The following TENM2 variants were observed in gnomAD, a reference collection of about 807,000 sequenced individuals.
TENM2 encodes the protein teneurin-2.
In TENM2, 52 loss-of-function variants were observed where a neutral mutation model predicts 245.2. The ratio of observed to expected loss-of-function variants is 0.21; its 90% CI spans 0.17 to 0.27. TENM2 has a LOEUF of 0.27. Ranked by LOEUF, TENM2 falls within the 10% of genes least tolerant of loss-of-function variation. The pLI is 1.00. For synonymous variants in TENM2, 1,363 were observed against 1,438.9 expected (o/e 0.95, Z 1.19); for missense variants, 3,046 against 3,666.8 (o/e 0.83, Z 4.37).
intron 2 of TENM2, among the ~76,000 whole-genome samples, chr5:167,766,925 A>T (rs1036235788): frequency 6.6e-6 from 1 of 152,058 alleles, no homozygotes; most frequent in South Asian, 2.1e-4. Context: ...AAACAAAAAA[A>T]CTAGAACCCT....
the TENM2 span, among the ~76,000 whole-genome samples, chr5:167,046,705 T>A: frequency 6.8e-6 from 1 of 146,994 alleles, no homozygotes. Flanking sequence ...TTATTTATTA[T>A]ACTTTAAGTT....
intron 2 of TENM2, among the ~76,000 whole-genome samples, chr5:167,467,347 C>G (rs1766729772): frequency 6.6e-6 from 1 of 152,054 alleles, no homozygotes; most frequent in African/African-American, 2.4e-5. Context: ...TGAGGCCTCC[C>G]CAGTCGTGTG....
intron 1 of TENM2, among the ~76,000 whole-genome samples, chr5:167,334,679 C>T (rs919956744): frequency 6.6e-6 from 1 of 152,156 alleles, no homozygotes; most frequent in Admixed American, 6.5e-5. Context: ...TGCTACGACA[C>T]ATTATATTTT....
At chr5:168,148,587 G>A (rs62383432) in intron 12 of TENM2, among the ~76,000 whole-genome samples, 18,503 of 152,214 alleles carry the variant, frequency 0.12, 1,530 homozygotes, top group South Asian at 0.22. Context: ...CCTGGGCCAC[G>A]TGGATGGGAT....
At chr5:167,433,927 A>G (rs1764389128) in intron 2 of TENM2, among the ~76,000 whole-genome samples, 1 of 152,140 alleles carries the variant, frequency 6.6e-6, no homozygotes, top group Non-Finnish European at 1.5e-5. Context: ...TTTTAATAAA[A>G]CGGTATAGAT....
At chr5:167,801,110 ATATATATATAT>A (rs1301781227) in intron 2 of TENM2, among the ~76,000 whole-genome samples, 1,437 of 62,492 alleles carry the variant, frequency 0.023, 54 homozygotes, top group Admixed American at 0.041. Context: ...AAAAAAAAAA[ATATATATATAT>A]ATATATATAT....
At chr5:167,971,000 C>T (rs1239558467) in intron 4 of TENM2, among the ~76,000 whole-genome samples, 2 of 152,050 alleles carry the variant, frequency 1.3e-5, no homozygotes, top group Non-Finnish European at 2.9e-5. Context: ...CTACTATTTG[C>T]TTTGTCTTTG....
At chr5:167,217,254 TC>T in the TENM2 span, among the ~76,000 whole-genome samples, 1 of 152,112 alleles carries the variant, frequency 6.6e-6, no homozygotes, top group Non-Finnish European at 1.5e-5. Context: ...AGTCACAAGT[TC>T]CAGCAGAATC....
chr5:167,692,504 C>T (rs1757497486), intron 2 of TENM2, among the ~76,000 whole-genome samples: 3 of 152,154 alleles, frequency 2.0e-5, no homozygotes, highest in Admixed American at 6.5e-5. Flanking sequence ...GGGAATTACT[C>T]CCACAGGAAA....
intron 5 of TENM2, among the ~76,000 whole-genome samples, chr5:168,047,150 G>A (rs576446826): frequency 9.9e-5 from 15 of 152,236 alleles, no homozygotes; most frequent in Middle Eastern, 3.4e-3. Context: ...TGGTGGCACC[G>A]TTTGGAAGAT....
chr5:168,215,993 A>G (rs1348487787), intron 21 of TENM2, among the ~76,000 whole-genome samples: 1 of 152,252 alleles, frequency 6.6e-6, no homozygotes, highest in African/African-American at 2.4e-5. Context: ...CCAGGGGTCC[A>G]GGATGGAGGA....
chr5:167,151,282 A>T, the TENM2 span, among the ~76,000 whole-genome samples: 1 of 152,152 alleles, frequency 6.6e-6, no homozygotes, highest in African/African-American at 2.4e-5. Context: ...AGTTTTATGA[A>T]CATGCCAACA....
At position 167,855,665 on chromosome 5, in the gene TENM2, G is replaced by GAC. The variant is rs1415345507; in HGVS notation, c.503-20320_503-20319insCA. Among the ~76,000 whole-genome samples the GAC allele has an allele frequency of 1.0e-4, 8 of 80,274 alleles. No homozygotes were observed. The East Asian group carries it at 2.7e-3, about 27-fold the overall frequency. The allele number at this position is 80,274 out of a possible 152,430, so 52.7% of individuals were successfully genotyped here. On this transcript the variant is annotated intron_variant, in intron 2 of 28. Coordinates refer to ENST00000518659, the Ensembl canonical transcript of TENM2. ...AAATATGGAAGGAGGAAGGAAGAAAGAGAGGAAGGAAGGAAGGAAGGAGGG... is the reference window on the plus strand; with the variant it reads ...AAATATGGAAGGAGGAAGGAAGAAAGACAGAGGAAGGAAGGAAGGAAGGAGGG...
chr5:168,166,201 G>T (rs1324324783), intron 13 of TENM2, among the ~76,000 whole-genome samples: 2 of 152,098 alleles, frequency 1.3e-5, no homozygotes, highest in Non-Finnish European at 2.9e-5. Context: ...GGTCAGAGAG[G>T]CACCCGGGCA....
Position 168,238,226 on chromosome 5 carries a change from A to G in TENM2, c.5521-6194A>G, listed in dbSNP as rs797019347. ...GGGAGGGAGGGAGGGAGAGAGAAGA[A>G]AAGAAAAGAAAAGAAAAGAAAAGAA... On this transcript the variant is annotated intron_variant, in intron 25 of 28. Transcript: ENST00000518659. Among the ~76,000 whole-genome samples the G allele has an allele frequency of 2.2e-3, 151 of 68,886 alleles. 17 individuals are homozygous for G. The highest frequency in any genetic ancestry group is 8.3e-3 in the African/African-American group (139 of 16,724). 45.2% of individuals were successfully genotyped at this position (68,886 alleles called of 152,430 possible). A position where few individuals can be genotyped will look rare whatever the true frequency, so the allele number is the denominator to read the frequency against.
chr5:167,087,525 A>G, the TENM2 span, among the ~76,000 whole-genome samples: 660 of 152,298 alleles, frequency 4.3e-3, 6 homozygotes, highest in African/African-American at 0.015. Context: ...TTCAGGGGCT[A>G]AGAGAGCAGG....
chr5:168,160,081 G>A (rs760313349), intron 12 of TENM2, among the ~76,000 whole-genome samples: 11 of 152,202 alleles, frequency 7.2e-5, no homozygotes, highest in Non-Finnish European at 1.2e-4. Flanking sequence ...ACCATGCTGA[G>A]CAAATGTTGG....
At position 168,244,447 on chromosome 5, in the gene TENM2, G is replaced by A; in HGVS notation, c.5548G>A (p.Asp1850Asn). Residue 1850 changes from aspartate (D) to asparagine (N), a missense_variant, in exon 26 of 29, where the codon GAC (aspartate) becomes AAC (asparagine). Transcript: ENST00000518659. The surrounding 1 kb of genome is among the most constrained non-coding windows in gnomAD (Gnocchi z 4.9). ...CCATGGAAGAAATCTCTTGTCCATT[G>A]ACTATGATCGAAATATTCGGACTGA... The A allele has an allele frequency of 6.4e-7, 1 of 1,571,230 alleles. No homozygotes were observed. Among genetic ancestry groups the A allele is most frequent in the South Asian group, 1.2e-5 (1 of 86,034 alleles).
At position 167,755,676 on chromosome 5, in the gene TENM2, G is replaced by A. The variant is rs551910576; in HGVS notation, c.503-120310G>A. On this transcript the variant is annotated intron_variant, in intron 2 of 28. Coordinates refer to ENST00000518659, the Ensembl canonical transcript of TENM2. ...TTGGCTTTACCCTTTATTGTAGCTT[G>A]GTGTTAAGACATTTTTAAAATAGGC... Among the ~76,000 whole-genome samples, 41 of 152,146 alleles carry A rather than the reference G, an allele frequency of 2.7e-4. No homozygotes were observed. In the South Asian group the frequency reaches 8.3e-3, roughly 31 times the overall value.
Sources: allele counts gnomAD v4.1 joint callset (sites outside exome capture counted in the v4.1 genomes callset), GRCh38; gene constraint gnomAD v4.1.1; non-coding constraint Gnocchi (gnomAD v3.1); transcripts MANE v1.5; gene names NCBI Gene and HGNC (gene_info 2026-07-23, HGNC 2026-07-21).